MED12L: variants seen among roughly 807,000 people sequenced by gnomAD.
MED12L encodes the protein mediator of RNA polymerase II transcription subunit 12-like protein.
MED12L carries 60 observed loss-of-function variants against 281.3 expected under a neutral mutation model. The observed-to-expected ratio is 0.21, with a 90% confidence interval of 0.17 to 0.26. MED12L has a LOEUF of 0.26. MED12L is among the 10% of genes least tolerant of loss of function. The pLI is 1.00. For synonymous variants in MED12L, 974 were observed against 987.2 expected (o/e 0.99, Z 0.25); for missense variants, 2,146 against 2,680.9 (o/e 0.80, Z 4.41).
chr3:151,195,738 G>T (rs1377547487), intron 16 of MED12L, among the ~76,000 whole-genome samples: 1 of 152,128 alleles, frequency 6.6e-6, no homozygotes, highest in Admixed American at 6.5e-5. Context: ...TTATTTAATA[G>T]TAATATACCA....
At chr3:151,137,112 A>G (rs1716247208) in intron 5 of MED12L, among the ~76,000 whole-genome samples, 1 of 150,356 alleles carries the variant, frequency 6.7e-6, no homozygotes, top group African/African-American at 2.5e-5. Context: ...TAGTGAGCTG[A>G]GATCGCACCA....
intron 33 of MED12L, among the ~76,000 whole-genome samples, 167 bp downstream of exon 33, chr3:151,382,912 C>A (rs1046690703): frequency 1.3e-5 from 2 of 152,192 alleles, no homozygotes; most frequent in African/African-American, 2.4e-5. Context: ...GTTTCCCTTG[C>A]TGCTTTCCTT....
At chr3:151,380,602 A>G (rs77904173) in intron 32 of MED12L, among the ~76,000 whole-genome samples, 1 of 144,124 alleles carries the variant, frequency 6.9e-6, no homozygotes, top group African/African-American at 2.6e-5. Context: ...TGTCTCAAAA[A>G]AAAAAAAAAA....
At chr3:151,088,562 G>C (rs1159856238) in intron 2 of MED12L, among the ~76,000 whole-genome samples, 3 of 152,228 alleles carry the variant, frequency 2.0e-5, no homozygotes, top group East Asian at 3.9e-4. Context: ...ATAATTGATG[G>C]CATGATGGCT....
chr3:151,243,848 C>T (rs1734773369), intron 16 of MED12L, among the ~76,000 whole-genome samples: 1 of 150,876 alleles, frequency 6.6e-6, no homozygotes, highest in African/African-American at 2.4e-5. Context: ...CAAGACCCAT[C>T]AGTGTGCTGT....
chr3:151,129,715 TTGTGTGTGTGTGTGTGTGTG>T (rs62785262), intron 5 of MED12L, among the ~76,000 whole-genome samples: 2 of 147,546 alleles, frequency 1.4e-5, no homozygotes, highest in African/African-American at 5.0e-5. Context: ...ATATCTACAT[TTGTGTGTGTGTGTGTGTGTG>T]TGTGTGTGTG....
intron 31 of MED12L, among the ~76,000 whole-genome samples, chr3:151,379,884 G>A (rs966217518): frequency 1.3e-5 from 2 of 152,158 alleles, no homozygotes; most frequent in Admixed American, 1.3e-4. Context: ...ATGGTTTGAT[G>A]CTAGTTTGAG....
At chr3:151,359,418 T>TG (rs747231459) in intron 20 of MED12L, among the ~76,000 whole-genome samples, 2 of 152,184 alleles carry the variant, frequency 1.3e-5, no homozygotes, top group Non-Finnish European at 2.9e-5. Flanking sequence ...TCACAGGGTT[T>TG]GGGATACTAC....
chr3:151,167,787 T>C (rs1397975182), intron 11 of MED12L, among the ~76,000 whole-genome samples: 6 of 152,224 alleles, frequency 3.9e-5, no homozygotes, highest in Admixed American at 3.9e-4. Context: ...AAAGTGTGTT[T>C]TTAGTAAAGA....
At chr3:151,119,242 T>C (rs796576323) in intron 3 of MED12L, among the ~76,000 whole-genome samples, 5 of 152,344 alleles carry the variant, frequency 3.3e-5, no homozygotes, top group African/African-American at 9.6e-5. Flanking sequence ...ATAAATTCCC[T>C]GAATTGTATT....
At chr3:151,315,992 C>T (rs903981851) in intron 16 of MED12L, among the ~76,000 whole-genome samples, 9 of 152,146 alleles carry the variant, frequency 5.9e-5, no homozygotes, top group African/African-American at 2.2e-4. Flanking sequence ...GAAAACTTCC[C>T]AAACAGTTTG....
In MED12L at chr3:151,433,003, A is replaced by G; in HGVS notation, c.*199A>G. On this transcript the variant is annotated 3_prime_UTR_variant, in exon 45 of 45. Transcript: ENST00000687756. ...AGAAGTTGTGGTTTGATTTTGTTGA[A>G]TTCACCTTTAAAGTAGGTTTACAAA... is the stretch of plus-strand genomic sequence containing the variant. The G allele has an allele frequency of 1.9e-6, 1 of 537,612 alleles. No homozygotes were observed. Among genetic ancestry groups the G allele is most frequent in the Middle Eastern group, 5.0e-4 (1 of 2,002 alleles). 33.3% of individuals were successfully genotyped at this position (537,612 alleles called of 1,614,324 possible).
chr3:151,284,368 A>G (rs907471805), intron 16 of MED12L, among the ~76,000 whole-genome samples: 4 of 152,084 alleles, frequency 2.6e-5, no homozygotes, highest in Non-Finnish European at 5.9e-5. Context: ...GATTTTAGCT[A>G]AGCACACTTA....
At chr3:151,431,380 C>G (rs1719486498) in intron 44 of MED12L, among the ~76,000 whole-genome samples, 1 of 152,148 alleles carries the variant, frequency 6.6e-6, no homozygotes, top group South Asian at 2.1e-4. Flanking sequence ...TTCTGCCTGG[C>G]TGCTGTGTGA....
intron 3 of MED12L, among the ~76,000 whole-genome samples, chr3:151,121,993 C>T (rs945506802): frequency 2.0e-5 from 3 of 152,060 alleles, no homozygotes; most frequent in Admixed American, 6.6e-5. Context: ...TGATTACAGG[C>T]GTGAGCCACC....
At chr3:151,430,420 A>G (rs1577636443) in intron 44 of MED12L, 40 bp downstream of exon 44, 2 of 1,608,686 alleles carry the variant, frequency 1.2e-6, no homozygotes, top group Non-Finnish European at 8.5e-7. Context: ...CAGCTCCCGG[A>G]AAATTAAAAA....
intron 16 of MED12L, among the ~76,000 whole-genome samples, chr3:151,275,122 A>G (rs1329113784): frequency 6.6e-6 from 1 of 152,142 alleles, no homozygotes; most frequent in Non-Finnish European, 1.5e-5. Context: ...TCTGCTTGGT[A>G]TAAATGGCTC....
chr3:151,215,228 A>G (rs1727969560), intron 16 of MED12L, among the ~76,000 whole-genome samples: 1 of 152,188 alleles, frequency 6.6e-6, no homozygotes, highest in South Asian at 2.1e-4. Context: ...CCCAAAGTAC[A>G]TTCTACATCT....
rs541010774 is a variant in MED12L, at chr3:151,298,945, TG to T, written c.2251-51113del. The stretch of plus-strand genomic sequence containing the variant: ...TTTCATCAATGCAGAAAGTTCTATT[TG>T]ACAATGCTGGTTTAGCCTCTTAATA... On this transcript the variant is annotated intron_variant, in intron 16 of 44. Coordinates refer to ENST00000687756, the MANE Select transcript of MED12L (RefSeq NM_001393769.1). 2.6e-3 allele frequency among the ~76,000 whole-genome samples: 395 copies of T among 152,360 alleles called. 6 individuals are homozygous for T. The highest frequency in any genetic ancestry group is 9.0e-3 in the African/African-American group (373 of 41,588).
Sources: allele counts gnomAD v4.1 joint callset (sites outside exome capture counted in the v4.1 genomes callset), GRCh38; gene constraint gnomAD v4.1.1; transcripts MANE v1.5; gene names NCBI Gene and HGNC (gene_info 2026-07-23, HGNC 2026-07-21).